The following KCTD16 variants were observed in gnomAD, a reference collection of about 807,000 sequenced individuals.
KCTD16 encodes BTB/POZ domain-containing protein KCTD16.
A neutral mutation model predicts 33.2 loss-of-function variants in KCTD16; 13 were observed. The observed-to-expected ratio is 0.39, with a 90% confidence interval of 0.25 to 0.62. The LOEUF (loss-of-function observed/expected upper bound fraction) is 0.62, where lower values mean the gene tolerates loss of function less well. KCTD16 is among the 20% of genes least tolerant of loss of function. KCTD16 has a pLI of 0.50. For missense variants in KCTD16, 441 were observed against 525.1 expected (o/e 0.84, Z 1.57); for synonymous variants, 197 against 195.3 (o/e 1.01, Z -0.07).
At chr5:144,469,652 G>A (rs553337739) in intron 3 of KCTD16, among the ~76,000 whole-genome samples, 1 of 152,212 alleles carries the variant, frequency 6.6e-6, no homozygotes, top group African/African-American at 2.4e-5. Flanking sequence ...TTCTTCAGAT[G>A]AGTAAACTGA....
intron 3 of KCTD16, among the ~76,000 whole-genome samples, chr5:144,418,535 C>T (rs1468432784): frequency 3.3e-5 from 5 of 152,204 alleles, no homozygotes; most frequent in East Asian, 1.9e-4. Context: ...AAGTCACCAC[C>T]GGACCCAGAA....
At chr5:144,357,683 G>A (rs770186683) in intron 3 of KCTD16, among the ~76,000 whole-genome samples, 12 of 152,170 alleles carry the variant, frequency 7.9e-5, no homozygotes, top group Admixed American at 6.6e-5. Context: ...TATTTGAGCT[G>A]AACCTCAAAG....
intron 3 of KCTD16, among the ~76,000 whole-genome samples, chr5:144,457,231 A>G (rs1173141352): frequency 6.6e-6 from 1 of 152,230 alleles, no homozygotes; most frequent in Non-Finnish European, 1.5e-5. Flanking sequence ...TCTGCTGTCA[A>G]GAGAGAAGAT....
In KCTD16 at chr5:144,473,729, G is replaced by C; in HGVS notation, c.902G>C (p.Gly301Ala). The change falls in exon 4 of 4, where the codon GGG becomes GCG. Residue 301 changes from glycine (G) to alanine (A), a missense_variant. Gly to Ala is a moderately conservative substitution (Grantham distance 60). Around this residue, in one of 3 missense-constraint regions of KCTD16, gnomAD observed 355 missense variants for 413.0 expected, o/e 0.86. Transcript: ENST00000512467. ...AAGAATGGCAAAGGTGACAAAGAAG[G>C]GGAGAGCGGCACGTCTTGCAATGAC... ...CCKNGKGDKE[G>A]ESGTSCNDLS... The C allele has an allele frequency of 6.2e-7, 1 of 1,612,672 alleles. No individual in the cohort carries two copies. Among genetic ancestry groups the C allele is most frequent in the Non-Finnish European group, 8.5e-7 (1 of 1,178,778 alleles).
At chr5:144,447,695 A>C (rs540628638) in intron 3 of KCTD16, among the ~76,000 whole-genome samples, 2 of 152,192 alleles carry the variant, frequency 1.3e-5, no homozygotes, top group Non-Finnish European at 2.9e-5. Flanking sequence ...AGAATGAATA[A>C]ATACATATAC....
At chr5:144,350,034 A>C (rs1394972472) in intron 3 of KCTD16, among the ~76,000 whole-genome samples, 2 of 152,206 alleles carry the variant, frequency 1.3e-5, no homozygotes, top group Admixed American at 6.5e-5. Context: ...GTTATGGTAA[A>C]TATTTGAACT....
Position 144,360,885 on chromosome 5 carries a change from T to A in KCTD16, c.833-112775T>A, listed in dbSNP as rs559353364. Among the ~76,000 whole-genome samples the A allele has an allele frequency of 2.7e-3, 413 of 151,924 alleles. 3 individuals carry two copies. Among genetic ancestry groups the A allele is most frequent in the African/African-American group, 9.2e-3 (379 of 41,288 alleles). On this transcript the variant is annotated intron_variant, in intron 3 of 3. Coordinates refer to ENST00000512467, the MANE Select transcript of KCTD16 (RefSeq NM_020768.4). ...ACATGTGTACCTCTGTCTTTTTTTT[T>A]ATTTTTTTTGGAAGTTTTTATTATT...
chr5:144,218,013 A>C (rs1475987260), intron 3 of KCTD16, among the ~76,000 whole-genome samples: 1 of 152,194 alleles, frequency 6.6e-6, no homozygotes. Context: ...AGGCACCCTG[A>C]CCTTGCTGTG....
At chr5:144,217,189 G>A (rs1753590927) in intron 3 of KCTD16, among the ~76,000 whole-genome samples, 1 of 152,214 alleles carries the variant, frequency 6.6e-6, no homozygotes, top group Admixed American at 6.5e-5. Flanking sequence ...TCAGGCATCA[G>A]TGCTAATTTT....
chr5:144,432,683 A>G (rs1346108766), intron 3 of KCTD16, among the ~76,000 whole-genome samples: 2 of 152,100 alleles, frequency 1.3e-5, no homozygotes, highest in Non-Finnish European at 2.9e-5. Flanking sequence ...CAGAGTACTG[A>G]TAAAACTATT....
chr5:144,350,666 C>G (rs1168311788), intron 3 of KCTD16, among the ~76,000 whole-genome samples: 7 of 152,072 alleles, frequency 4.6e-5, no homozygotes, highest in African/African-American at 1.4e-4. Flanking sequence ...CTGTACCATT[C>G]TGTGCATGTC....
At chr5:144,415,575 A>T (rs897617553) in intron 3 of KCTD16, among the ~76,000 whole-genome samples, 1 of 152,202 alleles carries the variant, frequency 6.6e-6, no homozygotes, top group Non-Finnish European at 1.5e-5. Context: ...TATCCATAGA[A>T]AAAAGACCCA....
At chr5:144,435,061 C>T (rs912964263) in intron 3 of KCTD16, among the ~76,000 whole-genome samples, 2 of 152,064 alleles carry the variant, frequency 1.3e-5, no homozygotes, top group Non-Finnish European at 2.9e-5. Context: ...CCCGTGGGTC[C>T]ATGGTTTTTA....
intron 3 of KCTD16, among the ~76,000 whole-genome samples, chr5:144,212,723 C>T (rs1753436037): frequency 6.6e-6 from 1 of 152,146 alleles, no homozygotes; most frequent in Non-Finnish European, 1.5e-5. Flanking sequence ...CACTGTTGCT[C>T]TTTTTCTTTT....
chr5:144,313,074 A>G (rs911088530), intron 3 of KCTD16, among the ~76,000 whole-genome samples: 21 of 152,242 alleles, frequency 1.4e-4, no homozygotes. Flanking sequence ...GCATAGCAGT[A>G]TAGTTGCAAC....
At chr5:144,356,045 T>C (rs1751563055) in intron 3 of KCTD16, among the ~76,000 whole-genome samples, 2 of 152,304 alleles carry the variant, frequency 1.3e-5, no homozygotes, top group Non-Finnish European at 2.9e-5. Context: ...TTTATTGCAC[T>C]CCTGTTTCAT....
At chr5:144,220,922 C>G in intron 3 of KCTD16, among the ~76,000 whole-genome samples, 1 of 144,398 alleles carries the variant, frequency 6.9e-6, no homozygotes, top group South Asian at 2.1e-4. Context: ...GCCTGGGCGA[C>G]AGAGCGAGAC....
chr5:144,400,786 G>A (rs994475380), intron 3 of KCTD16, among the ~76,000 whole-genome samples: 1 of 152,134 alleles, frequency 6.6e-6, no homozygotes, highest in African/African-American at 2.4e-5. Context: ...GATAAGAACT[G>A]GTTGGCAAAT....
intron 3 of KCTD16, among the ~76,000 whole-genome samples, chr5:144,213,505 T>C (rs981317504): frequency 1.3e-5 from 2 of 152,120 alleles, no homozygotes; most frequent in Admixed American, 1.3e-4. Context: ...ATTCTGGGTT[T>C]TGCTCATCCA....
Sources: gnomAD v4.1 joint callset for allele counts (sites outside exome capture counted in the v4.1 genomes callset) on GRCh38, gnomAD v4.1.1 for gene constraint, gnomAD v4.1.1 regional missense constraint, MANE v1.5 for transcripts, NCBI Gene and HGNC (gene_info 2026-07-23, HGNC 2026-07-21) for gene names.